The following FHIT variants were observed in gnomAD, a reference collection of about 807,000 sequenced individuals.
The protein encoded by FHIT is bis(5'-adenosyl)-triphosphatase.
Under a neutral mutation model 17.9 loss-of-function variants are expected in FHIT, and 19 were observed. That is an observed-to-expected ratio of 1.06 (90% CI 0.74 to 1.56). The LOEUF is 1.56. Among genes scored for constraint, FHIT ranks in the 40% most tolerant of loss-of-function variants. FHIT has a pLI of 0.00. For synonymous variants in FHIT, 81 were observed against 69.7 expected (o/e 1.16, Z -0.81); for missense variants, 248 against 189.2 (o/e 1.31, Z -1.82).
intron 3 of FHIT, among the ~76,000 whole-genome samples, chr3:60,923,276 ATGT>A (rs1707382448): frequency 6.6e-6 from 1 of 152,210 alleles, no homozygotes; most frequent in Non-Finnish European, 1.5e-5. Flanking sequence ...CTGGAGTCAA[ATGT>A]TGTGTGTGTT....
At chr3:60,491,089 G>A (rs2034043542) in intron 5 of FHIT, among the ~76,000 whole-genome samples, 1 of 152,092 alleles carries the variant, frequency 6.6e-6, no homozygotes. Context: ...AAAACCAAAT[G>A]GTGCTGAGTT....
intron 8 of FHIT, among the ~76,000 whole-genome samples, chr3:59,897,840 C>T (rs1462340292): frequency 6.6e-6 from 1 of 151,588 alleles, no homozygotes; most frequent in African/African-American, 2.4e-5. Context: ...GATCTCGGCT[C>T]ACTGCAAGCT....
chr3:60,830,871 T>A (rs1382372381), intron 3 of FHIT, among the ~76,000 whole-genome samples: 2 of 152,112 alleles, frequency 1.3e-5, no homozygotes, highest in African/African-American at 4.8e-5. Flanking sequence ...TATTAAAACA[T>A]CTCATCCTTG....
chr3:60,033,331 A>G (rs895447876), intron 5 of FHIT, among the ~76,000 whole-genome samples: 4 of 152,114 alleles, frequency 2.6e-5, no homozygotes, highest in Non-Finnish European at 5.9e-5. Flanking sequence ...CCCCGTCTCT[A>G]CTAAAAATAC....
intron 3 of FHIT, among the ~76,000 whole-genome samples, chr3:60,891,552 G>C (rs1553760705): frequency 6.6e-6 from 1 of 152,150 alleles, no homozygotes; most frequent in African/African-American, 2.4e-5. Context: ...ACAATGCATA[G>C]ATCACTTGAT....
chr3:60,353,966 C>T (rs1699534106), intron 5 of FHIT, among the ~76,000 whole-genome samples: 1 of 152,082 alleles, frequency 6.6e-6, no homozygotes, highest in East Asian at 1.9e-4. Flanking sequence ...ATCTATTCTA[C>T]TTCTTAGAAC....
chr3:59,983,869 T>A (rs890253614), intron 7 of FHIT, among the ~76,000 whole-genome samples: 1 of 152,074 alleles, frequency 6.6e-6, no homozygotes, highest in African/African-American at 2.4e-5. Flanking sequence ...CCAAAGGGGA[T>A]TGAGTAACTA....
At chr3:60,165,470 T>C (rs1415137784) in intron 5 of FHIT, among the ~76,000 whole-genome samples, 1 of 152,164 alleles carries the variant, frequency 6.6e-6, no homozygotes, top group African/African-American at 2.4e-5. Context: ...CTTCCAAGAA[T>C]GGGGAATCCG....
At chr3:60,538,864 T>C (rs1576837708) in intron 4 of FHIT, among the ~76,000 whole-genome samples, 1 of 152,016 alleles carries the variant, frequency 6.6e-6, no homozygotes, top group East Asian at 1.9e-4. Context: ...GCAATACCAT[T>C]CAGGACATAG....
intron 4 of FHIT, among the ~76,000 whole-genome samples, chr3:60,589,344 T>C (rs886606277): frequency 6.6e-6 from 1 of 152,006 alleles, no homozygotes; most frequent in Non-Finnish European, 1.5e-5. Flanking sequence ...CACTTGTATT[T>C]GTGTGAACTC....
At chr3:60,228,455 A>G (rs1704322416) in intron 5 of FHIT, among the ~76,000 whole-genome samples, 1 of 152,202 alleles carries the variant, frequency 6.6e-6, no homozygotes, top group Admixed American at 6.5e-5. Context: ...ATACTGTTAA[A>G]AGGTGAATTT....
chr3:59,836,246 T>A lies in FHIT; in HGVS notation c.349-83925A>T, dbSNP rs138578075. Among the ~76,000 whole-genome samples, 446 of 152,298 alleles carry A rather than the reference T, an allele frequency of 2.9e-3. 3 individuals are homozygous for A. The highest frequency in any genetic ancestry group is 9.9e-3 in the African/African-American group (411 of 41,576). On this transcript the variant is annotated intron_variant, in intron 8 of 9. Coordinates refer to ENST00000492590, the MANE Select transcript of FHIT (RefSeq NM_002012.4). ...TGTGATCCTCTCAAAATTTCACAGG[T>A]TGAGCTCCTTTGCACGATTCCATAC...
chr3:61,206,487 A>G (rs1313764554), intron 1 of FHIT, among the ~76,000 whole-genome samples: 4 of 151,886 alleles, frequency 2.6e-5, no homozygotes, highest in African/African-American at 9.7e-5. Flanking sequence ...ATCCTCTTTT[A>G]TTTCATTGAG....
intron 4 of FHIT, among the ~76,000 whole-genome samples, chr3:60,647,022 C>G (rs1266292008): frequency 6.6e-6 from 1 of 152,202 alleles, no homozygotes; most frequent in Non-Finnish European, 1.5e-5. Flanking sequence ...AGCAAGAGAG[C>G]TCTTCGTTTA....
intron 5 of FHIT, among the ~76,000 whole-genome samples, chr3:60,353,531 T>C (rs1372482915): frequency 6.6e-6 from 1 of 152,172 alleles, no homozygotes; most frequent in African/African-American, 2.4e-5. Context: ...TGAATTACTC[T>C]TCTTTGTCTA....
At chr3:60,007,544 A>T (rs531720346) in intron 7 of FHIT, among the ~76,000 whole-genome samples, 4 of 152,254 alleles carry the variant, frequency 2.6e-5, no homozygotes, top group African/African-American at 7.2e-5. Context: ...ACCGGAGAAA[A>T]AGCTGTGTCA....
At chr3:61,236,903 A>G (rs887784699) in intron 1 of FHIT, among the ~76,000 whole-genome samples, 2 of 152,258 alleles carry the variant, frequency 1.3e-5, no homozygotes, top group Admixed American at 6.5e-5. Flanking sequence ...AGAACCCACA[A>G]TGAAGACAGG....
At chr3:60,258,235 G>C (rs917171498) in intron 5 of FHIT, among the ~76,000 whole-genome samples, 4 of 152,064 alleles carry the variant, frequency 2.6e-5, no homozygotes, top group Non-Finnish European at 5.9e-5. Context: ...TACATCCCAT[G>C]AAACACTCTG....
chr3:60,549,921 A>T (rs888391857), intron 4 of FHIT, among the ~76,000 whole-genome samples: 9 of 152,206 alleles, frequency 5.9e-5, no homozygotes. Context: ...GGCATTACTC[A>T]GTGAATGGCA....
Sources: allele counts gnomAD v4.1 joint callset (sites outside exome capture counted in the v4.1 genomes callset), GRCh38; gene constraint gnomAD v4.1.1; transcripts MANE v1.5; gene names NCBI Gene and HGNC (gene_info 2026-07-23, HGNC 2026-07-21).